The following CHEK2 variants were observed in gnomAD, a reference collection of about 807,000 sequenced individuals.
The protein encoded by CHEK2 is serine/threonine-protein kinase Chk2.
CHEK2 carries 71 observed loss-of-function variants against 69.1 expected under a neutral mutation model. The observed-to-expected ratio is 1.03, with a 90% CI of 0.85 to 1.25. The LOEUF is 1.25. CHEK2 is among the 50% of genes most tolerant of loss of function. The probability of loss-of-function intolerance (pLI) is 0.00; values close to 1 mark genes in which losing one functional copy is unlikely to be tolerated. For missense variants in CHEK2, 664 were observed against 649.6 expected (o/e 1.02, Z -0.24); for synonymous variants, 189 against 226.9 (o/e 0.83, Z 1.50).
Position 28,696,970 on chromosome 22 carries a change from A to C in CHEK2, c.1026T>G (p.Gly342=). ...CTGGCTTTAAGTCACGGTGTATAATACCGTTTTCATGAAGGTACTACACAG... is the reference window on the plus strand; with the variant it reads ...CTGGCTTTAAGTCACGGTGTATAATCCCGTTTTCATGAAGGTACTACACAG... ...LLAVQYLHEN[G]IIHRDLKPEN... The change falls in exon 10 of 15, where the codon GGT becomes GGG. Residue 342 remains glycine (G), a synonymous_variant. Transcript: ENST00000404276. The C allele has an allele frequency of 6.2e-7, 1 of 1,612,358 alleles. No individual in the cohort carries two copies. The highest frequency in any genetic ancestry group is 1.1e-5 in the South Asian group (1 of 91,024).
At chr22:28,723,190 TG>T (rs771957251) in intron 4 of CHEK2, among the ~76,000 whole-genome samples, 3 of 152,204 alleles carry the variant, frequency 2.0e-5, no homozygotes, top group Non-Finnish European at 4.4e-5. Context: ...TGCTACCTGA[TG>T]AGGCTGATAA....
Position 28,694,018 on chromosome 22 carries a change from T to C in CHEK2, c.1461+14A>G. On this transcript the variant is annotated intron_variant, in intron 13 of 14. Coordinates refer to ENST00000404276, the MANE Select transcript of CHEK2 (RefSeq NM_007194.4). ...CCATGTATTTTATGCTAGCAGGCAC[T>C]GTCCCACACCCACCTGAAGCCACGG... 1 of 1,568,544 alleles carries C rather than the reference T, an allele frequency of 6.4e-7. No homozygotes were observed. Among genetic ancestry groups the C allele is most frequent in the South Asian group, 1.1e-5 (1 of 90,442 alleles).
chr22:28,712,851 A>G (rs1198162877), intron 5 of CHEK2, among the ~76,000 whole-genome samples: 1 of 152,232 alleles, frequency 6.6e-6, no homozygotes, highest in African/African-American at 2.4e-5. Flanking sequence ...TTTAAAGTGT[A>G]CAATTCAGTA....
rs1555927202 is a variant in CHEK2, at chr22:28,725,275, T to C, written c.412A>G (p.Thr138Ala). Residue 138 changes from threonine to alanine, a missense_variant, in exon 3 of 15, where the codon ACA (threonine) becomes GCA (alanine). Thr to Ala is a moderately conservative substitution (Grantham distance 58). Transcript: ENST00000404276. Reference protein sequence around the residue: ...PLLKRTDKYRTYSKKHFRIFR... With the variant: ...PLLKRTDKYRAYSKKHFRIFR... ...ATCCGAAAGTGTTTCTTGCTGTATG[T>C]TCGGTATTTATCTGTTCTTTTCAGC... 6.2e-7 allele frequency: 1 copy of C among 1,614,144 alleles called. No individual in the cohort carries two copies. Among genetic ancestry groups the C allele is most frequent in the Middle Eastern group, 1.6e-4 (1 of 6,062 alleles).
intron 4 of CHEK2, among the ~76,000 whole-genome samples, chr22:28,722,190 G>C (rs1012398405): frequency 7.9e-5 from 12 of 152,002 alleles, no homozygotes; most frequent in Non-Finnish European, 1.6e-4. Flanking sequence ...TCCTCCCCTA[G>C]GTACCCACAA....
chr22:28,718,749 G>T (rs1045416704), intron 5 of CHEK2, among the ~76,000 whole-genome samples: 12 of 151,734 alleles, frequency 7.9e-5, no homozygotes, highest in African/African-American at 2.7e-4. Context: ...AGGCACGGTG[G>T]TTCAAGCCCA....
At chr22:28,725,437 A>C (rs907479901) in intron 2 of CHEK2, 70 bp from the exon 3 acceptor site, 5 of 1,582,750 alleles carry the variant, frequency 3.2e-6, no homozygotes, top group Admixed American at 1.7e-5. Flanking sequence ...ATTGCTCATA[A>C]ATGCTAATTG....
chr22:28,736,243 G>T (rs1363701357), intron 1 of CHEK2, among the ~76,000 whole-genome samples: 2 of 152,116 alleles, frequency 1.3e-5, no homozygotes, highest in Non-Finnish European at 1.5e-5. Context: ...GTGTACTTTG[G>T]AAAGCAAAAG....
chr22:28,699,669 G>C (rs749512799), intron 9 of CHEK2, 169 bp downstream of exon 9: 260 of 653,494 alleles, frequency 4.0e-4, no homozygotes, highest in Middle Eastern at 2.7e-3. Flanking sequence ...GCCAGTGAGA[G>C]CTTTTTCATC....
rs1064793330 is a variant in CHEK2 at position 28,694,130 on chromosome 22, T to C, written c.1376-13A>G. 16 of 1,556,040 alleles carry C rather than the reference T, an allele frequency of 1.0e-5. No homozygotes were observed. Among genetic ancestry groups the C allele is most frequent in the South Asian group, 3.3e-5 (3 of 90,146 alleles). On this transcript the variant is annotated splice_polypyrimidine_tract_variant and intron_variant, in intron 12 of 14. Transcript: ENST00000404276. ...ACAAGGTCCAGAGCTAAAGCAACAA[T>C]TGGGCAAATCACAGTGAAAAGGATA...
chr22:28,741,823 C>T, upstream of CHEK2: 1 of 551,648 alleles, frequency 1.8e-6, no homozygotes, highest in Non-Finnish European at 3.3e-6. Flanking sequence ...AGCAGAGTGG[C>T]GCTAAACCTG....
intron 5 of CHEK2, among the ~76,000 whole-genome samples, chr22:28,718,076 G>A (rs575638050): frequency 4.6e-5 from 7 of 152,166 alleles, no homozygotes; most frequent in East Asian, 3.9e-4. Context: ...GTGAAACTCC[G>A]TCTCAAAGAA....
At chr22:28,699,362 C>CTTTTTTTT (rs67508991) in intron 9 of CHEK2, among the ~76,000 whole-genome samples, 98 of 78,036 alleles carry the variant, frequency 1.3e-3, no homozygotes, top group East Asian at 2.2e-3. Flanking sequence ...AGAGCTTTTT[C>CTTTTTTTT]TTTTTTTTTT....
chr22:28,699,233 G>A (rs1242241333), intron 9 of CHEK2, among the ~76,000 whole-genome samples: 1 of 152,082 alleles, frequency 6.6e-6, no homozygotes, highest in Non-Finnish European at 1.5e-5. Flanking sequence ...AAACTCTTGG[G>A]CTCAAGTGAT....
rs730881700 is a variant in CHEK2 at position 28,695,133 on chromosome 22, C to CT, written c.1368dup (p.Glu457ArgfsTer33). 2.6e-5 allele frequency: 42 copies of CT among 1,602,678 alleles called. No individual in the cohort carries two copies. The highest frequency in any genetic ancestry group is 3.2e-5 in the Non-Finnish European group (37 of 1,169,924). The stretch of plus-strand genomic sequence containing the variant: ...AACCCTTTCATATTCATACCTTTCT[C>CT]TGAGACTTCTGCCCAGACTTCAGGA... On this transcript the variant is annotated frameshift_variant, in exon 12 of 15. Transcript: ENST00000404276. LOFTEE classifies it high-confidence loss of function.
intron 4 of CHEK2, chr22:28,721,643 A>T (rs1225559868): frequency 2.2e-6 from 1 of 461,654 alleles, no homozygotes; most frequent in Non-Finnish European, 4.5e-6. Context: ...TATTAAAAAA[A>T]AAAAGATAAA....
intron 9 of CHEK2, among the ~76,000 whole-genome samples, chr22:28,699,242 A>C (rs1293080008): frequency 6.6e-6 from 1 of 151,948 alleles, no homozygotes; most frequent in East Asian, 1.9e-4. Context: ...GGCTCAAGTG[A>C]TCCTCCTGCC....
chr22:28,706,351 T>G (rs2053142132), intron 7 of CHEK2, among the ~76,000 whole-genome samples: 1 of 151,736 alleles, frequency 6.6e-6, no homozygotes, highest in Admixed American at 6.6e-5. Context: ...ACACACAGCA[T>G]TCAAGGTAAT....
chr22:28,695,305 A>G, intron 11 of CHEK2, 63 bp from the exon 12 acceptor site: 2 of 900,454 alleles, frequency 2.2e-6, no homozygotes, highest in Non-Finnish European at 3.7e-6. Flanking sequence ...GCATTCAGAT[A>G]TAAAGATTTC....
Sources: allele counts gnomAD v4.1 joint callset (sites outside exome capture counted in the v4.1 genomes callset), GRCh38; gene constraint gnomAD v4.1.1; transcripts MANE v1.5; gene names NCBI Gene and HGNC (gene_info 2026-07-23, HGNC 2026-07-21).